RARB: variants seen among roughly 807,000 people sequenced by gnomAD.
RARB encodes retinoic acid receptor beta.
Under a neutral mutation model 51.9 loss-of-function variants are expected in RARB, and 17 were observed. The ratio of observed to expected loss-of-function variants is 0.33; its 90% CI spans 0.22 to 0.49. RARB has a LOEUF of 0.49. RARB is among the 20% of genes least tolerant of loss of function. The pLI is 0.99. For missense variants in RARB, 369 were observed against 550.8 expected (o/e 0.67, Z 3.30); for synonymous variants, 215 against 195.4 (o/e 1.10, Z -0.84).
chr3:25,347,625 G>A (rs1261899399), intron 5 of RARB, among the ~76,000 whole-genome samples: 1 of 152,188 alleles, frequency 6.6e-6, no homozygotes. Context: ...GGCATGGAAA[G>A]GTATCATGGT....
chr3:25,219,210 A>G (rs771246839), intron 5 of RARB, among the ~76,000 whole-genome samples: 14 of 152,028 alleles, frequency 9.2e-5, no homozygotes, highest in Non-Finnish European at 2.1e-4. Context: ...TATTAAAGTC[A>G]TTTTTAATGA....
At chr3:25,279,361 C>T (rs891488473) in intron 5 of RARB, among the ~76,000 whole-genome samples, 2 of 152,122 alleles carry the variant, frequency 1.3e-5, no homozygotes, top group African/African-American at 2.4e-5. Flanking sequence ...CTCTTGCACC[C>T]ACTGCTGCAT....
chr3:25,299,606 T>G (rs1180996336), intron 5 of RARB, among the ~76,000 whole-genome samples: 1 of 152,214 alleles, frequency 6.6e-6, no homozygotes, highest in Non-Finnish European at 1.5e-5. Context: ...GTTGCAATAT[T>G]TCAATTTTTT....
chr3:25,227,236 T>G (rs1702074856), intron 5 of RARB, among the ~76,000 whole-genome samples: 1 of 152,218 alleles, frequency 6.6e-6, no homozygotes, highest in Admixed American at 6.5e-5. Flanking sequence ...TCTGAATATT[T>G]GAGTTAGGAA....
Position 25,569,862 on chromosome 3 carries a change from C to G in RARB, c.553C>G (p.Arg185Gly), listed in dbSNP as rs757604943. The G allele has an allele frequency of 1.2e-6, 2 of 1,614,054 alleles. No homozygotes were observed. The highest frequency in any genetic ancestry group is 1.3e-5 in the African/African-American group (1 of 74,908). Residue 185 changes from arginine to glycine, a missense_variant, in exon 4 of 8, where the codon CGA (arginine) becomes GGA (glycine). By Grantham distance (125) the Arg-to-Gly change is moderately radical. Transcript: ENST00000330688. ...GTTGGACGATCTCACAGAGAAGATCCGAAAAGCTCACCAGGAAACTTTCCC... is the reference window on the plus strand; with the variant it reads ...GTTGGACGATCTCACAGAGAAGATCGGAAAAGCTCACCAGGAAACTTTCCC... ...AELDDLTEKIRKAHQETFPSL... is the reference protein window; with the variant it reads ...AELDDLTEKIGKAHQETFPSL...
At chr3:25,382,425 G>A (rs1274689979) in intron 5 of RARB, among the ~76,000 whole-genome samples, 1 of 152,208 alleles carries the variant, frequency 6.6e-6, no homozygotes, top group East Asian at 1.9e-4. Flanking sequence ...CCCCTGCAGG[G>A]ACATGGACTG....
At chr3:25,369,805 C>T (rs1706244228) in intron 5 of RARB, among the ~76,000 whole-genome samples, 1 of 152,088 alleles carries the variant, frequency 6.6e-6, no homozygotes, top group Admixed American at 6.5e-5. Flanking sequence ...GCCTGTAATC[C>T]CAGCTACTAG....
chr3:25,142,921 A>G (rs1700133055), intron 4 of RARB, among the ~76,000 whole-genome samples: 1 of 152,178 alleles, frequency 6.6e-6, no homozygotes, highest in African/African-American at 2.4e-5. Context: ...TGGCTGATCC[A>G]GTCTCAGAGA....
intron 3 of RARB, among the ~76,000 whole-genome samples, chr3:25,523,075 G>C (rs193091459): frequency 1.3e-5 from 2 of 152,122 alleles, no homozygotes; most frequent in African/African-American, 2.4e-5. Context: ...AACTGGATTC[G>C]GTTTTTCAAC....
intron 2 of RARB, among the ~76,000 whole-genome samples, chr3:24,979,487 T>C (rs1696593825): frequency 6.6e-6 from 1 of 152,336 alleles, no homozygotes; most frequent in South Asian, 2.1e-4. Context: ...TTTACCATTA[T>C]GTAATAGTCT....
chr3:25,308,448 CTT>C (rs549224085), intron 5 of RARB, among the ~76,000 whole-genome samples: 18,960 of 130,378 alleles, frequency 0.15, 1,106 homozygotes, highest in South Asian at 0.24. Flanking sequence ...TTCTTTCTTT[CTT>C]TTTTTTTTTT....
intron 5 of RARB, among the ~76,000 whole-genome samples, chr3:25,228,452 G>A (rs991092781): frequency 1.3e-4 from 19 of 151,092 alleles, no homozygotes; most frequent in Admixed American, 2.6e-4. Flanking sequence ...TTATCTTCTC[G>A]GCATGATCAG....
At chr3:25,116,542 T>C (rs1382841184) in intron 3 of RARB, among the ~76,000 whole-genome samples, 1 of 152,110 alleles carries the variant, frequency 6.6e-6, no homozygotes, top group Non-Finnish European at 1.5e-5. Context: ...TATGATGCTG[T>C]CTTTTTTTAT....
At chr3:24,871,535 A>G (rs1423055124) in intron 2 of RARB, among the ~76,000 whole-genome samples, 1 of 152,122 alleles carries the variant, frequency 6.6e-6, no homozygotes, top group Non-Finnish European at 1.5e-5. Context: ...TGAATGTCCC[A>G]GGGCTCAGTT....
chr3:24,947,532 G>A (rs766276718), intron 2 of RARB, among the ~76,000 whole-genome samples: 1 of 152,202 alleles, frequency 6.6e-6, no homozygotes, highest in Non-Finnish European at 1.5e-5. Context: ...CTTCCACTTC[G>A]TGGAAGCATG....
intron 5 of RARB, among the ~76,000 whole-genome samples, chr3:25,386,268 G>A (rs948618769): frequency 6.6e-6 from 1 of 152,056 alleles, no homozygotes; most frequent in Non-Finnish European, 1.5e-5. Context: ...GAAGGGTGGG[G>A]AAAGGGAACA....
Position 25,217,554 on chromosome 3 carries a change from TAG to T in RARB, c.178+42986_178+42987del, listed in dbSNP as rs1341605213. ...GGCCAAGGGAGGCAAGATGGCATAGTAGAGAGAGTTCGGGATTTGGAGTCACT... is the reference window on the plus strand; with the variant it reads ...GGCCAAGGGAGGCAAGATGGCATAGTAGAGAGTTCGGGATTTGGAGTCACT... On this transcript the variant is annotated intron_variant, in intron 5 of 11. Transcript: ENST00000383772. Among the ~76,000 whole-genome samples the T allele has an allele frequency of 4.0e-5, 6 of 151,898 alleles. No homozygotes were observed. The East Asian group carries it at 1.2e-3, about 29-fold the overall frequency.
chr3:25,544,005 A>T (rs1370961294), intron 3 of RARB, among the ~76,000 whole-genome samples: 3 of 152,256 alleles, frequency 2.0e-5, no homozygotes, highest in African/African-American at 7.2e-5. Context: ...TATTTATGCT[A>T]GCATAGAGTG....
intron 2 of RARB, among the ~76,000 whole-genome samples, chr3:25,050,526 A>G (rs1390744767): frequency 6.6e-6 from 1 of 152,208 alleles, no homozygotes; most frequent in African/African-American, 2.4e-5. Context: ...TACGAAGTCA[A>G]ATAGTTCTAT....
Sources: gnomAD v4.1 joint callset for allele counts (sites outside exome capture counted in the v4.1 genomes callset) on GRCh38, gnomAD v4.1.1 for gene constraint, MANE v1.5 for transcripts, NCBI Gene and HGNC (gene_info 2026-07-23, HGNC 2026-07-21) for gene names.